The following KANSL1L variants were observed in gnomAD, a reference collection of about 807,000 sequenced individuals.
KANSL1L encodes KAT8 regulatory NSL complex subunit 1 like, also known as KAT8 regulatory NSL complex subunit 1-like protein.
A neutral mutation model predicts 108.6 loss-of-function variants in KANSL1L; 25 were observed. The ratio of observed to expected loss-of-function variants is 0.23; its 90% CI spans 0.17 to 0.32. The LOEUF (loss-of-function observed/expected upper bound fraction) is 0.32, where lower values mean the gene tolerates loss of function less well. Ranked by LOEUF, KANSL1L falls within the 10% of genes least tolerant of loss-of-function variation. The pLI, the probability that KANSL1L is intolerant of heterozygous loss-of-function variation, is 1.00. For missense variants in KANSL1L, 1,137 were observed against 1,125.7 expected, an observed-to-expected ratio of 1.01 and a Z score of -0.14; for synonymous variants, 405 against 395.1, an observed-to-expected ratio of 1.03 and a Z score of -0.30.
At chr2:210,159,082 A>C (rs1336728876) in intron 1 of KANSL1L, among the ~76,000 whole-genome samples, 13 of 152,212 alleles carry the variant, frequency 8.5e-5, no homozygotes, top group Non-Finnish European at 1.3e-4. Context: ...CTGGTGAGAA[A>C]ATGAGTGGTT....
At chr2:210,101,858 C>T (rs955060836) in intron 4 of KANSL1L, among the ~76,000 whole-genome samples, 2 of 152,192 alleles carry the variant, frequency 1.3e-5, no homozygotes, top group African/African-American at 4.8e-5. Flanking sequence ...TATTTAGTTA[C>T]TTCCTTGTAT....
chr2:210,082,418 C>T (rs1165547696), intron 5 of KANSL1L, among the ~76,000 whole-genome samples: 20 of 152,190 alleles, frequency 1.3e-4, no homozygotes, highest in Non-Finnish European at 1.3e-4. Flanking sequence ...CAAAGATCTT[C>T]AGCATAGGAG....
chr2:210,082,059 G>A (rs764463684), intron 5 of KANSL1L, among the ~76,000 whole-genome samples: 31 of 152,118 alleles, frequency 2.0e-4, no homozygotes, highest in Non-Finnish European at 4.4e-4. Flanking sequence ...TCAGGCCTCT[G>A]AGTAGCTGGG....
intron 5 of KANSL1L, among the ~76,000 whole-genome samples, chr2:210,091,210 CAACA>C (rs2094690457): frequency 6.6e-6 from 1 of 151,964 alleles, no homozygotes; most frequent in Non-Finnish European, 1.5e-5. Flanking sequence ...GTTTCCATAC[CAACA>C]AACTAAATAT....
intron 6 of KANSL1L, among the ~76,000 whole-genome samples, chr2:210,051,519 G>A (rs960207443): frequency 3.3e-5 from 5 of 151,968 alleles, no homozygotes; most frequent in Non-Finnish European, 5.9e-5. Flanking sequence ...AATAGTATTA[G>A]TTCTAATAAT....
At chr2:210,086,252 T>C (rs1174111913) in intron 5 of KANSL1L, among the ~76,000 whole-genome samples, 1 of 151,976 alleles carries the variant, frequency 6.6e-6, no homozygotes, top group Non-Finnish European at 1.5e-5. Context: ...AAACAAACAA[T>C]GACAAAAATC....
At chr2:210,136,583 G>C (rs1285166970) in intron 2 of KANSL1L, among the ~76,000 whole-genome samples, 2 of 152,116 alleles carry the variant, frequency 1.3e-5, no homozygotes, top group East Asian at 3.8e-4. Context: ...TTTTGTTCAG[G>C]AAGCCAGGCA....
intron 6 of KANSL1L, among the ~76,000 whole-genome samples, chr2:210,057,313 A>G (rs529736354): frequency 1.6e-4 from 24 of 152,288 alleles, no homozygotes; most frequent in African/African-American, 5.5e-4. Context: ...GAAGCATGAG[A>G]ATCACTTGAA....
rs1333502338 is a variant in KANSL1L, at chr2:210,029,922, C to T, written c.2156-4G>A. On this transcript the variant is annotated splice_polypyrimidine_tract_variant and splice_region_variant and intron_variant, in intron 9 of 14. Transcript: ENST00000281772. The stretch of plus-strand genomic sequence containing the variant: ...TCTTCAAGTTTAGTTCTTTCTCCTG[C>T]CATGGAAAGAACCATTGAATGTTAC... The T allele has an allele frequency of 2.1e-6, 3 of 1,463,248 alleles. No homozygotes were observed. Among genetic ancestry groups the T allele is most frequent in the Non-Finnish European group, 2.9e-6 (3 of 1,047,784 alleles). The allele number at this position is 1,463,248 out of a possible 1,614,324, so 90.6% of individuals were successfully genotyped here.
chr2:210,119,270 T>C (rs1411083344), intron 3 of KANSL1L, among the ~76,000 whole-genome samples: 1 of 152,082 alleles, frequency 6.6e-6, no homozygotes, highest in Non-Finnish European at 1.5e-5. Flanking sequence ...AAAGAAGAAG[T>C]AGTATCAATC....
intron 1 of KANSL1L, among the ~76,000 whole-genome samples, chr2:210,169,790 A>C (rs1317284991): frequency 6.6e-6 from 1 of 152,224 alleles, no homozygotes; most frequent in Non-Finnish European, 1.5e-5. Flanking sequence ...GATTTTAAAG[A>C]TACTCAAATA....
At chr2:210,163,713 T>G (rs1348241181) in intron 1 of KANSL1L, among the ~76,000 whole-genome samples, 5 of 152,268 alleles carry the variant, frequency 3.3e-5, no homozygotes, top group Non-Finnish European at 5.9e-5. Flanking sequence ...TAAAATTATA[T>G]TACATGAAAT....
intron 3 of KANSL1L, among the ~76,000 whole-genome samples, 169 bp downstream of exon 3, chr2:210,128,862 A>G (rs2095092962): frequency 6.6e-6 from 1 of 152,220 alleles, no homozygotes; most frequent in Admixed American, 6.5e-5. Flanking sequence ...TTAAAATACA[A>G]AAAGGCATTA....
At chr2:210,064,452 C>T (rs1290774526) in intron 6 of KANSL1L, 1 of 152,058 alleles carries the variant, frequency 6.6e-6, no homozygotes, top group African/African-American at 2.4e-5. Context: ...ATAACCTCTG[C>T]AAATAATTAT....
intron 5 of KANSL1L, among the ~76,000 whole-genome samples, chr2:210,083,628 A>C (rs1019858065): frequency 2.0e-5 from 3 of 152,030 alleles, no homozygotes; most frequent in African/African-American, 7.2e-5. Context: ...GGAGATCGAG[A>C]CCATCCTGGC....
At chr2:210,088,434 A>G (rs2125374938) in intron 5 of KANSL1L, 1 of 152,422 alleles carries the variant, frequency 6.6e-6, no homozygotes, top group East Asian at 1.9e-4. Flanking sequence ...TACTCACCCA[A>G]TGAATCCAAG....
chr2:210,029,304 C>A lies in KANSL1L; in HGVS notation c.2272-335G>T, dbSNP rs74485683. ...CACCCTAAATGTCAATGAAAATGATCAGTAACCACTTTTTATTAGGAAAGG... is the reference window on the plus strand; with the variant it reads ...CACCCTAAATGTCAATGAAAATGATAAGTAACCACTTTTTATTAGGAAAGG... On this transcript the variant is annotated intron_variant, in intron 10 of 14. Transcript: ENST00000281772. 9.8e-3 allele frequency: 2,072 copies of A among 212,202 alleles called. 19 individuals are homozygous for A. Among genetic ancestry groups the A allele is most frequent in the Middle Eastern group, 0.017 (10 of 592 alleles). 13.1% of individuals were successfully genotyped at this position (212,202 alleles called of 1,614,324 possible).
chr2:210,158,004 T>A (rs767705631), intron 1 of KANSL1L, among the ~76,000 whole-genome samples: 4 of 152,184 alleles, frequency 2.6e-5, no homozygotes, highest in Non-Finnish European at 5.9e-5. Context: ...CCATTTATGG[T>A]AGAGAACTAG....
chr2:210,061,466 C>G (rs1224880191), intron 6 of KANSL1L, among the ~76,000 whole-genome samples: 9 of 152,140 alleles, frequency 5.9e-5, no homozygotes, highest in Admixed American at 5.9e-4. Context: ...ATATTATGAT[C>G]AGATAAACAT....
Sources: allele counts gnomAD v4.1 joint callset (sites outside exome capture counted in the v4.1 genomes callset), GRCh38; gene constraint gnomAD v4.1.1; transcripts MANE v1.5; gene names NCBI Gene and HGNC (gene_info 2026-07-23, HGNC 2026-07-21).